Variants in NFIA observed in about 807,000 individuals in gnomAD.
NFIA encodes nuclear factor 1 A-type.
Under a neutral mutation model 62.8 loss-of-function variants are expected in NFIA, and 8 were observed. The observed-to-expected ratio is 0.13, with a 90% CI of 0.07 to 0.23. The LOEUF (loss-of-function observed/expected upper bound fraction) is 0.23. Ranked by LOEUF, NFIA falls within the 10% of genes least tolerant of loss-of-function variation. The pLI is 1.00. For synonymous variants in NFIA, 235 were observed against 238.1 expected (o/e 0.99, Z 0.12); for missense variants, 410 against 642.1 (o/e 0.64, Z 3.91).
intron 2 of NFIA, among the ~76,000 whole-genome samples, chr1:61,137,902 C>T (rs1047734838): frequency 6.6e-6 from 1 of 150,878 alleles, no homozygotes; most frequent in Admixed American, 6.6e-5. Context: ...TAAACACTGT[C>T]TATTCTTAAT....
At chr1:61,370,298 A>C (rs1663817495) in intron 6 of NFIA, among the ~76,000 whole-genome samples, 1 of 152,224 alleles carries the variant, frequency 6.6e-6, no homozygotes, top group African/African-American at 2.4e-5. Flanking sequence ...GGAGAATTAC[A>C]TCCTGGAAGA....
chr1:61,245,874 C>T (rs1655611045), intron 2 of NFIA, among the ~76,000 whole-genome samples: 1 of 152,126 alleles, frequency 6.6e-6, no homozygotes. Flanking sequence ...GAGTCCAAGA[C>T]AGAAATTCTT....
At chr1:61,308,103 C>G (rs141321714) in intron 3 of NFIA, among the ~76,000 whole-genome samples, 167 of 152,260 alleles carry the variant, frequency 1.1e-3, no homozygotes, top group African/African-American at 3.8e-3. Flanking sequence ...ACAAGTCTAG[C>G]AGAATAACCT....
chr1:61,434,928 A>T (rs1667262937), intron 10 of NFIA, among the ~76,000 whole-genome samples: 1 of 152,206 alleles, frequency 6.6e-6, no homozygotes, highest in South Asian at 2.1e-4. Context: ...AGGGGGACAG[A>T]AAATGATGTC....
chr1:61,430,290 T>C (rs1181816129), intron 10 of NFIA, among the ~76,000 whole-genome samples: 1 of 152,210 alleles, frequency 6.6e-6, no homozygotes, highest in African/African-American at 2.4e-5. Context: ...TCTAAATGGT[T>C]CAGAAAGAAC....
intron 2 of NFIA, among the ~76,000 whole-genome samples, chr1:61,233,032 G>A (rs554383995): frequency 1.3e-5 from 2 of 152,260 alleles, no homozygotes; most frequent in Admixed American, 1.3e-4. Context: ...AGCTCCTAGA[G>A]TGTGTATTTA....
chr1:61,079,901 G>C (rs1646074550), upstream of NFIA, among the ~76,000 whole-genome samples: 1 of 152,194 alleles, frequency 6.6e-6, no homozygotes, highest in Non-Finnish European at 1.5e-5. Context: ...GCCTGTTGGA[G>C]AGAAAGTTAC....
intron 2 of NFIA, among the ~76,000 whole-genome samples, chr1:61,125,919 A>G (rs1385850219): frequency 2.0e-5 from 3 of 152,148 alleles, no homozygotes; most frequent in Non-Finnish European, 2.9e-5. Context: ...AAATACTTCC[A>G]GAGAAAAGTG....
intron 2 of NFIA, among the ~76,000 whole-genome samples, chr1:61,093,422 ATCAAACTCTAGCT>A (rs1646355670): frequency 6.6e-6 from 1 of 152,142 alleles, no homozygotes; most frequent in African/African-American, 2.4e-5. Flanking sequence ...GGATCACCCT[ATCAAACTCTAGCT>A]TTAAGCTCAA....
At position 61,277,675 on chromosome 1, in the gene NFIA, A is replaced by G. The variant is rs1214865296; in HGVS notation, c.625+90A>G. On this transcript the variant is annotated intron_variant, in intron 3 of 10. Coordinates refer to ENST00000403491, the MANE Select transcript of NFIA (RefSeq NM_001134673.4). ...GTGTGAGGATTTGGGGGCCTACCCTATAAGTAGCCCACAGTAGGAACAACT... is the reference window on the plus strand; with the variant it reads ...GTGTGAGGATTTGGGGGCCTACCCTGTAAGTAGCCCACAGTAGGAACAACT... The G allele has an allele frequency of 1.2e-5, 15 of 1,284,114 alleles. No individual in the cohort carries two copies. In the East Asian group the frequency reaches 1.2e-4, roughly 10 times the overall value. 79.5% of individuals were successfully genotyped at this position (1,284,114 alleles called of 1,614,324 possible).
chr1:61,316,939 A>C (rs1660395856), intron 3 of NFIA, among the ~76,000 whole-genome samples: 1 of 152,158 alleles, frequency 6.6e-6, no homozygotes, highest in African/African-American at 2.4e-5. Context: ...GTTTATTTTA[A>C]AAAGTTATTT....
intron 2 of NFIA, among the ~76,000 whole-genome samples, chr1:61,206,129 C>G (rs567725789): frequency 2.0e-5 from 3 of 151,890 alleles, no homozygotes; most frequent in Non-Finnish European, 4.4e-5. Flanking sequence ...CTTTATTGCT[C>G]AGGCTTATTT....
chr1:61,409,726 A>C (rs1319226439), intron 9 of NFIA, among the ~76,000 whole-genome samples: 1 of 152,174 alleles, frequency 6.6e-6, no homozygotes, highest in Non-Finnish European at 1.5e-5. Flanking sequence ...CCCTTCCTAC[A>C]TATGGTCCGC....
intron 2 of NFIA, among the ~76,000 whole-genome samples, chr1:61,240,544 TCCC>T (rs759722840): frequency 2.6e-5 from 4 of 151,838 alleles, no homozygotes; most frequent in African/African-American, 9.7e-5. Flanking sequence ...TCGTAAATAT[TCCC>T]CCCATACTGA....
intron 6 of NFIA, among the ~76,000 whole-genome samples, chr1:61,363,433 CA>C (rs1377511213): frequency 2.6e-5 from 4 of 152,030 alleles, no homozygotes; most frequent in Non-Finnish European, 5.9e-5. Context: ...GGAGAAACCC[CA>C]TCTCTACTAA....
intron 2 of NFIA, among the ~76,000 whole-genome samples, chr1:61,218,855 G>A (rs558572014): frequency 6.6e-6 from 1 of 152,296 alleles, no homozygotes; most frequent in African/African-American, 2.4e-5. Flanking sequence ...AAACATGACT[G>A]TGTACTTATA....
chr1:61,222,324 T>C (rs1654064623), intron 2 of NFIA, among the ~76,000 whole-genome samples: 1 of 152,142 alleles, frequency 6.6e-6, no homozygotes, highest in African/African-American at 2.4e-5. Flanking sequence ...GCATTATGTT[T>C]CTAAGGTTTC....
At chr1:61,187,503 G>A (rs1651279357) in intron 2 of NFIA, among the ~76,000 whole-genome samples, 3 of 152,316 alleles carry the variant, frequency 2.0e-5, no homozygotes, top group African/African-American at 7.2e-5. Flanking sequence ...TGTAAGGAGC[G>A]GTGGTGGTGG....
intron 10 of NFIA, among the ~76,000 whole-genome samples, chr1:61,451,519 C>A (rs756283494): frequency 6.6e-6 from 1 of 152,136 alleles, no homozygotes; most frequent in Non-Finnish European, 1.5e-5. Context: ...GATGTTTCAC[C>A]TTGAACATTG....
Sources: gnomAD v4.1 joint callset for allele counts (sites outside exome capture counted in the v4.1 genomes callset) on GRCh38, gnomAD v4.1.1 for gene constraint, MANE v1.5 for transcripts, NCBI Gene and HGNC (gene_info 2026-07-23, HGNC 2026-07-21) for gene names.